The following EDEM1 variants were observed in gnomAD, a reference collection of about 807,000 sequenced individuals.
The protein encoded by EDEM1 is ER degradation enhancing alpha-mannosidase like protein 1, also known as ER degradation-enhancing alpha-mannosidase-like protein 1.
EDEM1 carries 67 observed loss-of-function variants against 74.4 expected under a neutral mutation model. The observed-to-expected ratio is 0.90, with a 90% CI of 0.74 to 1.10. The LOEUF (loss-of-function observed/expected upper bound fraction) is 1.10, where lower values mean the gene tolerates loss of function less well. EDEM1 is among the 50% of genes least tolerant of loss of function. EDEM1 has a pLI of 0.00. For synonymous variants in EDEM1, 382 were observed against 335.9 expected (o/e 1.14, Z -1.50); for missense variants, 926 against 851.6 (o/e 1.09, Z -1.09).
chr3:5,199,884 T>G (rs2055013900), intron 3 of EDEM1, among the ~76,000 whole-genome samples, 189 bp downstream of exon 3: 2 of 152,084 alleles, frequency 1.3e-5, no homozygotes, highest in Admixed American at 1.3e-4. Flanking sequence ...GTAATCACAT[T>G]CCGGACTGAA....
Position 5,213,411 on chromosome 3 carries a change from G to A in EDEM1, c.1773G>A (p.Arg591=). 1.2e-6 allele frequency: 2 copies of A among 1,614,170 alleles called. No homozygotes were observed. Among genetic ancestry groups the A allele is most frequent in the Non-Finnish European group, 1.7e-6 (2 of 1,180,034 alleles). The change falls in exon 11 of 12, where the codon CGG becomes CGA. Residue 591 remains arginine, a synonymous_variant. Coordinates refer to ENST00000256497, the MANE Select transcript of EDEM1 (RefSeq NM_014674.3). ...TTGTATCTGTGGATGAGCATCTTCG[G>A]GAATTGCCATGGAAGGAATTCTTCT... ...GHIVSVDEHL[R]ELPWKEFFSE...
At position 5,205,205 on chromosome 3, in the gene EDEM1, C is replaced by T; in HGVS notation, c.1181C>T (p.Ala394Val). 1 of 1,614,160 alleles carries T rather than the reference C, an allele frequency of 6.2e-7. No homozygotes were observed. The highest frequency in any genetic ancestry group is 1.1e-5 in the South Asian group (1 of 91,080). Residue 394 changes from alanine (A) to valine (V), a missense_variant, in exon 6 of 12, where the codon GCT (alanine) becomes GTT (valine). Transcript: ENST00000256497. ...AAAGAAGACCTAGAAATGTTTAATG[C>T]TGCATATCAGAGTATTCAGAACTAC... ...GEKEDLEMFN[A>V]AYQSIQNYLR... is the part of the protein sequence containing the mutation.
intron 2 of EDEM1, among the ~76,000 whole-genome samples, chr3:5,198,197 G>A (rs932575573): frequency 6.6e-6 from 1 of 152,010 alleles, no homozygotes; most frequent in East Asian, 1.9e-4. Flanking sequence ...ACAGGCATGC[G>A]CCACCACGCC....
At chr3:5,215,232 A>C (rs2055218214) in intron 11 of EDEM1, among the ~76,000 whole-genome samples, 1 of 144,488 alleles carries the variant, frequency 6.9e-6, no homozygotes, top group Non-Finnish European at 1.5e-5. Context: ...AACTGCTTCC[A>C]GGGATGTCAC....
Position 5,213,483 on chromosome 3 carries a change from G to A in EDEM1, c.1845G>A (p.Pro615=), listed in dbSNP as rs753556015. 6 of 1,613,632 alleles carry A rather than the reference G, an allele frequency of 3.7e-6. No homozygotes were observed. The highest frequency in any genetic ancestry group is 3.3e-5 in the Admixed American group (2 of 59,986). ...AAGGGGGAAAGTCTGTGCACAGGCC[G>A]AAACCTCATGAGTTAAAAGTCATCA... ...QDQGGKSVHR[P]KPHELKVINS... The change falls in exon 11 of 12, where the codon CCG becomes CCA. Residue 615 remains proline (P), a synonymous_variant. Coordinates refer to ENST00000256497, the MANE Select transcript of EDEM1 (RefSeq NM_014674.3).
chr3:5,207,177 A>G lies in EDEM1; in HGVS notation c.1242A>G (p.Glu414=), dbSNP rs1553592560. ...RRGREACNEG[E]GDPPLYVNVN... ...GGCGGGAAGCCTGCAATGAAGGAGA[A>G]GGAGACCCTCCACTCTATGTCAACG... The change falls in exon 7 of 12, where the codon GAA becomes GAG. Residue 414 remains glutamate (E), a synonymous_variant. Transcript: ENST00000256497. 1 of 1,614,152 alleles carries G rather than the reference A, an allele frequency of 6.2e-7. No homozygotes were observed. Among genetic ancestry groups the G allele is most frequent in the Admixed American group, 1.7e-5 (1 of 60,026 alleles).
chr3:5,218,354 T>TG lies in EDEM1; in HGVS notation c.*2436_*2437insG, dbSNP rs2055266953. 1 of 111,934 alleles carries TG rather than the reference T, an allele frequency of 8.9e-6. No homozygotes were observed. The highest frequency in any genetic ancestry group is 5.3e-5 in the African/African-American group (1 of 18,984). 6.9% of individuals were successfully genotyped at this position (111,934 alleles called of 1,614,324 possible). ...TTGAGCCAGTTTCAAAGGTTACTTG[T>TG]TTTTTTTTTTTTTTTTTAAAGTCAG... On this transcript the variant is annotated 3_prime_UTR_variant, in exon 12 of 12. Transcript: ENST00000256497.
At chr3:5,195,483 A>G (rs2054954162) in intron 2 of EDEM1, among the ~76,000 whole-genome samples, 1 of 152,222 alleles carries the variant, frequency 6.6e-6, no homozygotes, top group Non-Finnish European at 1.5e-5. Flanking sequence ...ATGTGATTCC[A>G]TTAAAAAAAG....
At chr3:5,193,742 C>T (rs749467166) in intron 1 of EDEM1, among the ~76,000 whole-genome samples, 25 of 152,074 alleles carry the variant, frequency 1.6e-4, no homozygotes, top group African/African-American at 4.6e-4. Flanking sequence ...GGATTACAGG[C>T]GCCTGCCACC....
In EDEM1 at chr3:5,202,565, G is replaced by A. The variant is rs559811040; in HGVS notation, c.859-401G>A. 2.6e-5 allele frequency among the ~76,000 whole-genome samples: 4 copies of A among 152,314 alleles called. No individual in the cohort carries two copies. The East Asian group carries it at 7.7e-4, about 29-fold the overall frequency. On this transcript the variant is annotated intron_variant, in intron 4 of 11. Coordinates refer to ENST00000256497, the MANE Select transcript of EDEM1 (RefSeq NM_014674.3). Reference sequence around the variant, plus strand: ...CTGGTAGTGCCTCCTTTCTTGCCCAGTTTGAGGTTTGTTTAGGTGCTGAGC... The same window carrying A: ...CTGGTAGTGCCTCCTTTCTTGCCCAATTTGAGGTTTGTTTAGGTGCTGAGC...
At chr3:5,195,752 C>A (rs926255250) in intron 2 of EDEM1, among the ~76,000 whole-genome samples, 1 of 152,236 alleles carries the variant, frequency 6.6e-6, no homozygotes, top group African/African-American at 2.4e-5. Flanking sequence ...CTTTTATTTG[C>A]CACTTCCTGT....
chr3:5,202,261 C>A (rs2055043320), intron 4 of EDEM1, among the ~76,000 whole-genome samples: 1 of 152,188 alleles, frequency 6.6e-6, no homozygotes, highest in African/African-American at 2.4e-5. Context: ...TTGTCTTCAT[C>A]TCTGACTTGG....
Position 5,202,075 on chromosome 3 carries a change from G to A in EDEM1, c.858+151G>A, listed in dbSNP as rs534999766. 3 of 976,632 alleles carry A rather than the reference G, an allele frequency of 3.1e-6. No individual in the cohort carries two copies. In the South Asian group the frequency reaches 5.5e-5, roughly 18 times the overall value. The allele number at this position is 976,632 out of a possible 1,614,324, so 60.5% of individuals were successfully genotyped here. A position where few individuals can be genotyped will look rare whatever the true frequency, so the allele number is the denominator to read the frequency against. ...AGAAGAATTTGGCCTTAAATATGAT[G>A]TAAATATTTTAAAATTCATTCAGCA... is the stretch of plus-strand genomic sequence containing the variant. On this transcript the variant is annotated intron_variant, in intron 4 of 11. Coordinates refer to ENST00000256497, the MANE Select transcript of EDEM1 (RefSeq NM_014674.3).
Position 5,188,265 on chromosome 3 carries a change from G to C in EDEM1, c.460G>C (p.Glu154Gln). 1 of 1,575,106 alleles carries C rather than the reference G, an allele frequency of 6.3e-7. No individual in the cohort carries two copies. Among genetic ancestry groups the C allele is most frequent in the Non-Finnish European group, 8.6e-7 (1 of 1,163,022 alleles). The change falls in exon 1 of 12, where the codon GAG becomes CAG. Residue 154 changes from glutamate (E) to glutamine (Q), a missense_variant. Physicochemically the swap from Glu to Gln is conservative, Grantham distance 29 (BLOSUM62 2). Coordinates refer to ENST00000256497, the MANE Select transcript of EDEM1 (RefSeq NM_014674.3). ...NYMAHAFPQD[E>Q]LNPIHCRGRG... Reference sequence around the variant, plus strand: ...CATGGCTCACGCCTTCCCCCAGGACGAGCTCAACCCCATCCACTGCCGCGG... The same window carrying C: ...CATGGCTCACGCCTTCCCCCAGGACCAGCTCAACCCCATCCACTGCCGCGG...
rs370914702 is a variant in EDEM1, at chr3:5,196,183, G to A, written c.582+902G>A. Among the ~76,000 whole-genome samples, 28 of 152,192 alleles carry A rather than the reference G, an allele frequency of 1.8e-4. 1 individual carries two copies. The East Asian group carries it at 1.9e-3, about 10-fold the overall frequency. ...TTAGGAGATAGAATTGGGGCCGGGCGCAGTGGCTCACGCCTGTAATCCCAG... is the reference window on the plus strand; with the variant it reads ...TTAGGAGATAGAATTGGGGCCGGGCACAGTGGCTCACGCCTGTAATCCCAG... On this transcript the variant is annotated intron_variant, in intron 2 of 11. Coordinates refer to ENST00000256497, the MANE Select transcript of EDEM1 (RefSeq NM_014674.3).
chr3:5,209,780 G>T (rs1472097335), intron 8 of EDEM1, among the ~76,000 whole-genome samples: 1 of 152,130 alleles, frequency 6.6e-6, no homozygotes, highest in African/African-American at 2.4e-5. Flanking sequence ...CTGGAATGGC[G>T]GCAAGGTCCT....
At chr3:5,198,516 A>T (rs1049749196) in intron 2 of EDEM1, among the ~76,000 whole-genome samples, 32 of 152,170 alleles carry the variant, frequency 2.1e-4, no homozygotes, top group African/African-American at 7.5e-4. Flanking sequence ...CAGAGGGATG[A>T]CTGAGTTCTG....
Position 5,218,479 on chromosome 3 carries a change from G to A in EDEM1, c.*2561G>A, listed in dbSNP as rs558426830. 2 of 152,062 alleles carry A rather than the reference G, an allele frequency of 1.3e-5. No individual in the cohort carries two copies. The highest frequency in any genetic ancestry group is 4.8e-5 in the African/African-American group (2 of 41,466). 9.4% of individuals were successfully genotyped at this position (152,062 alleles called of 1,614,324 possible). Reference sequence around the variant, plus strand: ...AGAATGGCTGAGGAGGAGATTACCAGAGAAGTTGCTTTGCTCAGTGCTTTG... The same window carrying A: ...AGAATGGCTGAGGAGGAGATTACCAAAGAAGTTGCTTTGCTCAGTGCTTTG... On this transcript the variant is annotated 3_prime_UTR_variant, in exon 12 of 12. Coordinates refer to ENST00000256497, the MANE Select transcript of EDEM1 (RefSeq NM_014674.3).
rs2055039908 is a variant in EDEM1 at position 5,201,923 on chromosome 3, G to C, written c.857G>C (p.Arg286Pro). The C allele has an allele frequency of 6.2e-7, 1 of 1,612,822 alleles. No homozygotes were observed. The highest frequency in any genetic ancestry group is 8.5e-7 in the Non-Finnish European group (1 of 1,179,580). Residue 286 changes from arginine (R) to proline (P), a missense_variant and splice_region_variant, in exon 4 of 12, where the codon CGG becomes CCG. By Grantham distance (103) the Arg-to-Pro change is moderately radical (BLOSUM62 -2). Transcript: ENST00000256497. Reference protein sequence around the residue: ...ENTKTGIPYPRVNLKTGVPPD... With the variant: ...ENTKTGIPYPPVNLKTGVPPD... ...ACCAAGACAGGGATTCCATATCCTC[G>C]GGTGGGTAGACTGGTTTGACCCTTT...
Sources: gnomAD v4.1 joint callset for allele counts (sites outside exome capture counted in the v4.1 genomes callset) on GRCh38, gnomAD v4.1.1 for gene constraint, MANE v1.5 for transcripts, NCBI Gene and HGNC (gene_info 2026-07-23, HGNC 2026-07-21) for gene names.